The following XKR4 variants were observed in gnomAD, a reference collection of about 807,000 sequenced individuals.
XKR4 encodes XK related 4.
Under a neutral mutation model 53.9 loss-of-function variants are expected in XKR4, and 12 were observed. The ratio of observed to expected loss-of-function variants is 0.22; its 90% CI spans 0.14 to 0.36. XKR4 has a LOEUF of 0.36. XKR4 is among the 10% of genes least tolerant of loss of function. XKR4 has a pLI of 1.00. For missense variants in XKR4, 799 were observed against 859.5 expected (o/e 0.93, Z 0.88); for synonymous variants, 354 against 362.4 (o/e 0.98, Z 0.26).
chr8:55,451,127 T>C (rs1805434997), intron 2 of XKR4: 2 of 520,992 alleles, frequency 3.8e-6, no homozygotes, highest in East Asian at 7.8e-5. Context: ...TGTAGAGGGC[T>C]GCTTGCTGTG....
intron 2 of XKR4, among the ~76,000 whole-genome samples, chr8:55,488,097 G>GA (rs774872546): frequency 9.2e-5 from 14 of 152,150 alleles, no homozygotes; most frequent in Non-Finnish European, 1.5e-4. Flanking sequence ...TGGCCTTTGG[G>GA]ACTGTCTTTC....
intron 1 of XKR4, among the ~76,000 whole-genome samples, chr8:55,218,022 T>C (rs1817829723): frequency 6.6e-6 from 1 of 152,214 alleles, no homozygotes; most frequent in South Asian, 2.1e-4. Context: ...GACTGGATGT[T>C]TCAAAGCTGT....
chr8:55,235,149 G>A (rs774334491), intron 1 of XKR4, among the ~76,000 whole-genome samples: 2 of 152,158 alleles, frequency 1.3e-5, no homozygotes, highest in African/African-American at 4.8e-5. Context: ...CAGTCCTGGT[G>A]CTCGTTGGCA....
At chr8:55,455,214 G>A in intron 2 of XKR4, 1 of 395,068 alleles carries the variant, frequency 2.5e-6, no homozygotes, top group Non-Finnish European at 4.8e-6. Flanking sequence ...CCTGGCCCTG[G>A]ACCGCACACC....
At chr8:55,248,971 G>T (rs1007653621) in intron 1 of XKR4, among the ~76,000 whole-genome samples, 1 of 152,058 alleles carries the variant, frequency 6.6e-6, no homozygotes, top group Non-Finnish European at 1.5e-5. Flanking sequence ...TCTATCCTTC[G>T]CAGATTCCTT....
intron 1 of XKR4, among the ~76,000 whole-genome samples, chr8:55,266,924 G>A (rs1818611934): frequency 2.6e-5 from 4 of 152,162 alleles, no homozygotes; most frequent in Admixed American, 1.3e-4. Flanking sequence ...TGGCCAAGAG[G>A]CATTACAGGA....
intron 2 of XKR4, among the ~76,000 whole-genome samples, chr8:55,402,550 C>T (rs1563341615): frequency 6.6e-6 from 1 of 152,208 alleles, no homozygotes; most frequent in Non-Finnish European, 1.5e-5. Flanking sequence ...TCCTTCCATA[C>T]CAGAACTGAC....
At chr8:55,145,204 G>A (rs560085945) in intron 1 of XKR4, among the ~76,000 whole-genome samples, 49 of 152,036 alleles carry the variant, frequency 3.2e-4, no homozygotes, top group Non-Finnish European at 6.2e-4. Flanking sequence ...CATAGAACAC[G>A]CCTACTCATT....
chr8:55,454,700 G>A lies in XKR4; in HGVS notation c.1007-68581G>A, dbSNP rs1805529886. On this transcript the variant is annotated intron_variant, in intron 2 of 2. Coordinates refer to ENST00000327381, the MANE Select transcript of XKR4 (RefSeq NM_052898.2). ...GGGAACACATTCAGGCCCTCCACGTGGACGGCATAGATGAGGCCGAGGCTG... is the reference window on the plus strand; with the variant it reads ...GGGAACACATTCAGGCCCTCCACGTAGACGGCATAGATGAGGCCGAGGCTG... 8 of 866,818 alleles carry A rather than the reference G, an allele frequency of 9.2e-6. No individual in the cohort carries two copies. The South Asian group carries it at 9.7e-5, about 11-fold the overall frequency. The allele number at this position is 866,818 out of a possible 1,614,324, so 53.7% of individuals were successfully genotyped here.
intron 1 of XKR4, among the ~76,000 whole-genome samples, chr8:55,260,820 T>A (rs1479467325): frequency 6.6e-6 from 1 of 152,138 alleles, no homozygotes; most frequent in Non-Finnish European, 1.5e-5. Flanking sequence ...GCACATGTGG[T>A]TGGCAAGGAA....
intron 1 of XKR4, among the ~76,000 whole-genome samples, chr8:55,173,967 C>T (rs1018573911): frequency 3.3e-5 from 5 of 152,022 alleles, no homozygotes; most frequent in Admixed American, 6.6e-5. Flanking sequence ...GCAAGAATTA[C>T]GGATGTGAGC....
chr8:55,134,090 A>G (rs1334268327), intron 1 of XKR4, among the ~76,000 whole-genome samples: 2 of 152,226 alleles, frequency 1.3e-5, no homozygotes, highest in Non-Finnish European at 2.9e-5. Flanking sequence ...ACTGTTTATA[A>G]CAGCTAATTA....
intron 1 of XKR4, among the ~76,000 whole-genome samples, chr8:55,253,941 A>T (rs1000847641): frequency 9.2e-5 from 14 of 151,732 alleles, no homozygotes; most frequent in Admixed American, 3.3e-4. Context: ...GTCTGGTCTC[A>T]AACTCCTGAG....
At chr8:55,162,452 T>C (rs1816998298) in intron 1 of XKR4, among the ~76,000 whole-genome samples, 1 of 152,226 alleles carries the variant, frequency 6.6e-6, no homozygotes, top group African/African-American at 2.4e-5. Flanking sequence ...TCTTAAATTC[T>C]TAAGACCACA....
intron 1 of XKR4, among the ~76,000 whole-genome samples, chr8:55,204,220 G>T (rs981066551): frequency 6.6e-6 from 1 of 151,870 alleles, no homozygotes; most frequent in African/African-American, 2.4e-5. Context: ...TGCCCAGGCT[G>T]GTCTTGAACT....
intron 1 of XKR4, among the ~76,000 whole-genome samples, chr8:55,254,395 G>A (rs932482217): frequency 1.3e-5 from 2 of 152,052 alleles, no homozygotes; most frequent in Non-Finnish European, 2.9e-5. Context: ...CATGGCCCAC[G>A]GTTGTCATGG....
At chr8:55,230,046 G>T (rs866877452) in intron 1 of XKR4, among the ~76,000 whole-genome samples, 50 of 152,084 alleles carry the variant, frequency 3.3e-4, no homozygotes, top group Middle Eastern at 3.4e-3. Flanking sequence ...GGGTTGTGTT[G>T]CAATCATTTT....
intron 1 of XKR4, among the ~76,000 whole-genome samples, chr8:55,302,474 T>C (rs1819216607): frequency 6.6e-6 from 1 of 152,236 alleles, no homozygotes; most frequent in African/African-American, 2.4e-5. Flanking sequence ...GACTTGACAA[T>C]GTGGGCTCTT....
At chr8:55,114,349 T>A (rs1163627155) in intron 1 of XKR4, among the ~76,000 whole-genome samples, 1 of 152,210 alleles carries the variant, frequency 6.6e-6, no homozygotes, top group Admixed American at 6.5e-5. Flanking sequence ...TTTTTTCATA[T>A]GTCTGTTGGC....
Sources: allele counts gnomAD v4.1 joint callset (sites outside exome capture counted in the v4.1 genomes callset), GRCh38; gene constraint gnomAD v4.1.1; transcripts MANE v1.5; gene names NCBI Gene and HGNC (gene_info 2026-07-23, HGNC 2026-07-21).